GALNT2: variants seen among roughly 807,000 people sequenced by gnomAD.
The protein encoded by GALNT2 is UDP-GalNAc:polypeptide N-acetylgalactosaminyltransferase 2.
In GALNT2, 31 loss-of-function variants were observed where a neutral mutation model predicts 81.4. That is an observed-to-expected ratio of 0.38 (90% confidence interval 0.29 to 0.51). The LOEUF (loss-of-function observed/expected upper bound fraction) is 0.51, where lower values mean the gene tolerates loss of function less well. Ranked by LOEUF, GALNT2 falls within the 20% of genes least tolerant of loss-of-function variation. GALNT2 has a pLI of 0.87. For synonymous variants in GALNT2, 303 were observed against 287.4 expected, an observed-to-expected ratio of 1.05 and a Z score of -0.55; for missense variants, 629 against 765.7, an observed-to-expected ratio of 0.82 and a Z score of 2.11.
At chr1:230,176,933 C>T (rs1037715185) in intron 1 of GALNT2, among the ~76,000 whole-genome samples, 2 of 152,196 alleles carry the variant, frequency 1.3e-5, no homozygotes, top group African/African-American at 2.4e-5. Context: ...TGGTTTCTCT[C>T]ACCAGCCCGC....
At chr1:230,249,386 C>T (rs774825773) in intron 9 of GALNT2, 115 bp downstream of exon 9, 17 of 784,200 alleles carry the variant, frequency 2.2e-5, no homozygotes, top group African/African-American at 5.2e-5. Flanking sequence ...TTCTGCCCTC[C>T]GGTTTCCCCT....
intron 1 of GALNT2, among the ~76,000 whole-genome samples, chr1:230,112,539 G>C (rs1190009437): frequency 6.6e-6 from 1 of 152,148 alleles, no homozygotes; most frequent in East Asian, 1.9e-4. Flanking sequence ...CAGTGGAGGA[G>C]GGATCTGGCC....
intron 2 of GALNT2, among the ~76,000 whole-genome samples, chr1:230,194,918 CGAG>C (rs1362656091): frequency 2.6e-5 from 4 of 152,040 alleles, no homozygotes; most frequent in Non-Finnish European, 4.4e-5. Flanking sequence ...TCTGTGGACA[CGAG>C]GGGAGGAGAG....
At chr1:230,083,897 C>T (rs79739866) in intron 1 of GALNT2, among the ~76,000 whole-genome samples, 1 of 152,212 alleles carries the variant, frequency 6.6e-6, no homozygotes, top group African/African-American at 2.4e-5. Flanking sequence ...GTCCTTGGAC[C>T]TGCATGCAAG....
intron 3 of GALNT2, among the ~76,000 whole-genome samples, chr1:230,220,754 C>G (rs1664521879): frequency 6.6e-6 from 1 of 152,182 alleles, no homozygotes; most frequent in African/African-American, 2.4e-5. Context: ...TGGGCTTAAT[C>G]AGACCCGCCC....
intron 1 of GALNT2, among the ~76,000 whole-genome samples, chr1:230,080,588 G>A (rs954611105): frequency 1.3e-5 from 2 of 152,154 alleles, no homozygotes; most frequent in Non-Finnish European, 2.9e-5. Context: ...AAGCCCAGGA[G>A]GCTTGTGCAT....
intron 8 of GALNT2, among the ~76,000 whole-genome samples, chr1:230,247,379 T>G (rs932456893): frequency 6.6e-6 from 1 of 152,198 alleles, no homozygotes; most frequent in South Asian, 2.1e-4. Context: ...TTGCCTCTGC[T>G]TCTCAGCTTC....
At chr1:230,202,842 A>G (rs1472734819) in intron 2 of GALNT2, among the ~76,000 whole-genome samples, 3 of 152,220 alleles carry the variant, frequency 2.0e-5, no homozygotes, top group African/African-American at 2.4e-5. Context: ...TATAGAAAAC[A>G]TGAATGATGC....
intron 1 of GALNT2, among the ~76,000 whole-genome samples, chr1:230,122,340 T>C (rs1170524552): frequency 6.6e-6 from 1 of 152,172 alleles, no homozygotes. Context: ...TCCATGAGAT[T>C]GAGGTTCAGA....
chr1:230,181,441 C>T (rs1395487521), intron 2 of GALNT2, among the ~76,000 whole-genome samples: 3 of 152,136 alleles, frequency 2.0e-5, no homozygotes, highest in African/African-American at 7.2e-5. Flanking sequence ...TGGCATAAAT[C>T]CTACTTGATC....
At chr1:230,142,801 C>T (rs1297725857) in intron 1 of GALNT2, among the ~76,000 whole-genome samples, 3 of 152,150 alleles carry the variant, frequency 2.0e-5, no homozygotes, top group Admixed American at 6.5e-5. Flanking sequence ...ACTGTGGGGC[C>T]TGCGTGGGAA....
At chr1:230,176,845 T>C (rs914417317) in intron 1 of GALNT2, among the ~76,000 whole-genome samples, 11 of 152,216 alleles carry the variant, frequency 7.2e-5, no homozygotes, top group Non-Finnish European at 1.3e-4. Flanking sequence ...GGGTAAGACT[T>C]GCAAAAGTAC....
chr1:230,141,546 T>G (rs1661733095), intron 1 of GALNT2, among the ~76,000 whole-genome samples: 1 of 152,168 alleles, frequency 6.6e-6, no homozygotes, highest in Non-Finnish European at 1.5e-5. Flanking sequence ...ATCCAGTATT[T>G]ATCCTTTTGT....
chr1:230,187,871 A>G (rs1051723196), intron 2 of GALNT2, among the ~76,000 whole-genome samples: 2 of 150,198 alleles, frequency 1.3e-5, no homozygotes, highest in East Asian at 2.0e-4. Context: ...ATTCTCTCCA[A>G]CATCCGGCTG....
At chr1:230,165,628 G>T (rs1432188501) in intron 1 of GALNT2, among the ~76,000 whole-genome samples, 1 of 152,236 alleles carries the variant, frequency 6.6e-6, no homozygotes, top group African/African-American at 2.4e-5. Flanking sequence ...GACATCTGCA[G>T]CCTGGTTGTG....
chr1:230,262,853 T>G, intron 12 of GALNT2, 69 bp from the exon 13 acceptor site: 1 of 1,504,394 alleles, frequency 6.6e-7, no homozygotes, highest in Non-Finnish European at 9.2e-7. Context: ...CAGCAGATTT[T>G]CAAGTTTGAT....
Position 230,243,981 on chromosome 1 carries a change from C to T in GALNT2, c.729+554C>T, listed in dbSNP as rs1665287729. 6.6e-6 allele frequency among the ~76,000 whole-genome samples: 1 copy of T among 151,990 alleles called. No homozygotes were observed. Among genetic ancestry groups the T allele is most frequent in the Non-Finnish European group, 1.5e-5 (1 of 68,006 alleles). On this transcript the variant is annotated intron_variant, in intron 7 of 15. Coordinates refer to ENST00000366672, the MANE Select transcript of GALNT2 (RefSeq NM_004481.5). The surrounding 1 kb of genome is among the most constrained non-coding windows in gnomAD (Gnocchi z 4.2). ...GGTGATCCGCGGCTCCACTTCTGCACCTTCTGCTTTCTAGAAACATCATTG... is the reference window on the plus strand; with the variant it reads ...GGTGATCCGCGGCTCCACTTCTGCATCTTCTGCTTTCTAGAAACATCATTG...
At chr1:230,154,026 T>A (rs1662170642) in intron 1 of GALNT2, among the ~76,000 whole-genome samples, 1 of 152,258 alleles carries the variant, frequency 6.6e-6, no homozygotes, top group Admixed American at 6.5e-5. Context: ...ACCCATTGTT[T>A]GGAGAATAAT....
rs1267330568 is a variant in GALNT2, at chr1:230,265,257, G to T, written c.1330G>T (p.Asp444Tyr). 6.2e-7 allele frequency: 1 copy of T among 1,614,082 alleles called. No homozygotes were observed. Among genetic ancestry groups the T allele is most frequent in the Non-Finnish European group, 8.5e-7 (1 of 1,180,046 alleles). The change falls in exon 14 of 16, where the codon GAT becomes TAT. Residue 444 changes from aspartate to tyrosine, a missense_variant. Transcript: ENST00000366672. ...YPELRVPDHQ[D>Y]IAFGALQQGT... ...GTTTTTCAGGGTTCCAGACCATCAG[G>T]ATATAGCTTTTGGGGCCTTGCAGCA...
Sources: gnomAD v4.1 joint callset for allele counts (sites outside exome capture counted in the v4.1 genomes callset) on GRCh38, gnomAD v4.1.1 for gene constraint, Gnocchi (gnomAD v3.1) non-coding constraint, MANE v1.5 for transcripts, NCBI Gene and HGNC (gene_info 2026-07-23, HGNC 2026-07-21) for gene names.